UHRF2: variants seen among roughly 807,000 people sequenced by gnomAD.
The protein encoded by UHRF2 is E3 ubiquitin-protein ligase UHRF2.
Under a neutral mutation model 96.8 loss-of-function variants are expected in UHRF2, and 23 were observed. The ratio of observed to expected loss-of-function variants is 0.24; its 90% CI spans 0.17 to 0.34. The LOEUF is 0.34. Ranked by LOEUF, UHRF2 falls within the 10% of genes least tolerant of loss-of-function variation. The probability of loss-of-function intolerance (pLI) is 1.00; values close to 1 mark genes in which losing one functional copy is unlikely to be tolerated. For synonymous variants in UHRF2, 385 were observed against 332.6 expected (o/e 1.16, Z -1.72); for missense variants, 685 against 981.5 (o/e 0.70, Z 4.04).
intron 1 of UHRF2, among the ~76,000 whole-genome samples, 154 bp from the exon 2 acceptor site, chr9:6,420,758 C>T (rs568226527): frequency 4.0e-5 from 6 of 151,174 alleles, no homozygotes; most frequent in Non-Finnish European, 2.9e-5. Context: ...AGAGAAGACA[C>T]TGACATCAGA....
intron 2 of UHRF2, among the ~76,000 whole-genome samples, chr9:6,431,127 T>TA (rs1486726310): frequency 6.6e-6 from 1 of 152,222 alleles, no homozygotes; most frequent in African/African-American, 2.4e-5. Flanking sequence ...CCAGGCTTTA[T>TA]AACACAGCTT....
At chr9:6,448,912 G>C (rs4742205) in intron 3 of UHRF2, among the ~76,000 whole-genome samples, 29,035 of 152,126 alleles carry the variant, frequency 0.19, 2,985 homozygotes, top group Admixed American at 0.25. Flanking sequence ...TTTCAATTGC[G>C]TAGCATTTGT....
At chr9:6,497,122 T>A in intron 10 of UHRF2, 76 bp from the exon 11 acceptor site, 3 of 1,356,510 alleles carry the variant, frequency 2.2e-6, no homozygotes, top group Non-Finnish European at 3.1e-6. Flanking sequence ...TAATTCACCT[T>A]TTAATTGAGC....
At chr9:6,465,556 AT>A (rs1303496845) in intron 4 of UHRF2, among the ~76,000 whole-genome samples, 3 of 152,178 alleles carry the variant, frequency 2.0e-5, no homozygotes, top group Non-Finnish European at 4.4e-5. Context: ...TTGCATCTAA[AT>A]TTTAAAATCT....
chr9:6,493,944 G>C lies in UHRF2; in HGVS notation c.1604+12G>C. 1.9e-6 allele frequency: 3 copies of C among 1,608,696 alleles called. No individual in the cohort carries two copies. The highest frequency in any genetic ancestry group is 2.6e-6 in the Non-Finnish European group (3 of 1,176,170). ...ACAAACATGAACAGGTACTACTATA[G>C]ACACTGTTTAGAATTTGAACATTGA... On this transcript the variant is annotated intron_variant, in intron 10 of 15. Coordinates refer to ENST00000276893, the MANE Select transcript of UHRF2 (RefSeq NM_152896.3).
In UHRF2 at chr9:6,506,969, G is replaced by T. The variant is rs1040599854; in HGVS notation, c.*790G>T. 1.8e-4 allele frequency: 28 copies of T among 152,562 alleles called. No homozygotes were observed. Among genetic ancestry groups the T allele is most frequent in the African/African-American group, 5.3e-4 (22 of 41,414 alleles). The allele number at this position is 152,562 out of a possible 1,614,324, so 9.5% of individuals were successfully genotyped here. ...GCTGTGCTGACCTTTGAGAGGATTTGAAATTGCTTCATATTGTGATCCTAA... is the reference window on the plus strand; with the variant it reads ...GCTGTGCTGACCTTTGAGAGGATTTTAAATTGCTTCATATTGTGATCCTAA... On this transcript the variant is annotated 3_prime_UTR_variant, in exon 16 of 16. Transcript: ENST00000276893.
intron 2 of UHRF2, among the ~76,000 whole-genome samples, chr9:6,421,490 C>T (rs565321072): frequency 2.6e-5 from 4 of 152,278 alleles, no homozygotes; most frequent in South Asian, 2.1e-4. Flanking sequence ...AATCTTGGCT[C>T]GCTATGACCT....
chr9:6,500,831 C>T (rs568115050), intron 14 of UHRF2, 122 bp downstream of exon 14: 2 of 872,850 alleles, frequency 2.3e-6, no homozygotes, highest in East Asian at 2.8e-5. Context: ...TTTTCTAATC[C>T]AGTGCCACTA....
At chr9:6,484,297 G>A (rs993856675) in intron 8 of UHRF2, among the ~76,000 whole-genome samples, 3 of 151,926 alleles carry the variant, frequency 2.0e-5, no homozygotes, top group Non-Finnish European at 4.4e-5. Flanking sequence ...GCTAGTCTCA[G>A]ACTCCTGGCC....
At chr9:6,417,901 G>C (rs1397889648) in intron 1 of UHRF2, among the ~76,000 whole-genome samples, 1 of 152,064 alleles carries the variant, frequency 6.6e-6, no homozygotes, top group Non-Finnish European at 1.5e-5. Context: ...TACCCTCAAC[G>C]TCACTCTGAC....
At chr9:6,501,929 G>A (rs1392133829) in intron 14 of UHRF2, among the ~76,000 whole-genome samples, 1 of 152,210 alleles carries the variant, frequency 6.6e-6, no homozygotes, top group African/African-American at 2.4e-5. Flanking sequence ...AGCCACCTGA[G>A]TGGTGTGAAA....
At chr9:6,499,024 C>T (rs975745118) in intron 12 of UHRF2, 1 of 152,190 alleles carries the variant, frequency 6.6e-6, no homozygotes, top group African/African-American at 2.4e-5. Flanking sequence ...ACTGCTAAAA[C>T]AACTACTAAA....
intron 3 of UHRF2, among the ~76,000 whole-genome samples, chr9:6,450,248 C>G (rs1185270819): frequency 6.6e-6 from 1 of 151,780 alleles, no homozygotes; most frequent in Non-Finnish European, 1.5e-5. Flanking sequence ...GGATCAAAAA[C>G]AAACCCCACC....
At chr9:6,423,561 T>A (rs1031773048) in intron 2 of UHRF2, among the ~76,000 whole-genome samples, 3 of 152,204 alleles carry the variant, frequency 2.0e-5, no homozygotes, top group Non-Finnish European at 4.4e-5. Context: ...TAATTCATTG[T>A]ACTAATAAGC....
chr9:6,485,480 G>T (rs1466602676), intron 8 of UHRF2, among the ~76,000 whole-genome samples: 1 of 151,808 alleles, frequency 6.6e-6, no homozygotes, highest in East Asian at 1.9e-4. Context: ...GATTATTTTG[G>T]CCAGGGTTGA....
intron 2 of UHRF2, chr9:6,423,013 T>C: frequency 5.0e-6 from 1 of 201,342 alleles, no homozygotes; most frequent in Non-Finnish European, 9.9e-6. Flanking sequence ...CTTTCCTATC[T>C]TTGTAACTTC....
At chr9:6,435,508 C>T (rs897762334) in intron 3 of UHRF2, among the ~76,000 whole-genome samples, 5 of 152,250 alleles carry the variant, frequency 3.3e-5, no homozygotes, top group East Asian at 1.9e-4. Flanking sequence ...TTGTTTTTGA[C>T]GTACTACCAC....
chr9:6,426,056 C>G (rs1183776186), intron 2 of UHRF2, among the ~76,000 whole-genome samples: 2 of 152,212 alleles, frequency 1.3e-5, no homozygotes, highest in Admixed American at 6.5e-5. Context: ...ATCTGCACAT[C>G]TGAGATTAAT....
intron 2 of UHRF2, among the ~76,000 whole-genome samples, chr9:6,423,220 G>C (rs1027876818): frequency 2.0e-5 from 3 of 152,192 alleles, no homozygotes; most frequent in Non-Finnish European, 4.4e-5. Flanking sequence ...TCCAAAGAAA[G>C]TACCAGGCTT....
Sources: gnomAD v4.1 joint callset for allele counts (sites outside exome capture counted in the v4.1 genomes callset) on GRCh38, gnomAD v4.1.1 for gene constraint, MANE v1.5 for transcripts, NCBI Gene and HGNC (gene_info 2026-07-23, HGNC 2026-07-21) for gene names.